DRC3: variants seen among roughly 807,000 people sequenced by gnomAD.
The protein encoded by DRC3 is dynein regulatory complex subunit 3, also known as leucine rich repeat containing 48.
In DRC3, 45 loss-of-function variants were observed where a neutral mutation model predicts 57.6. The observed-to-expected ratio is 0.78, with a 90% CI of 0.62 to 1.00. The LOEUF is 1.00. Ranked by LOEUF, DRC3 falls within the 50% of genes least tolerant of loss-of-function variation. The probability of loss-of-function intolerance (pLI) is 0.00; values close to 1 mark genes in which losing one functional copy is unlikely to be tolerated. For synonymous variants in DRC3, 257 were observed against 272.3 expected (o/e 0.94, Z 0.55); for missense variants, 655 against 675.2 (o/e 0.97, Z 0.33).
chr17:17,977,385 A>T, intron 2 of DRC3, 197 bp from the exon 3 acceptor site: 1 of 591,098 alleles, frequency 1.7e-6, no homozygotes, highest in Non-Finnish European at 3.0e-6. Context: ...GGACAGGCCC[A>T]GGTGGTTGCC....
intron 9 of DRC3, among the ~76,000 whole-genome samples, chr17:17,999,304 A>G (rs2043591340): frequency 6.6e-6 from 1 of 152,132 alleles, no homozygotes; most frequent in Non-Finnish European, 1.5e-5. Flanking sequence ...AGAGCAGTGG[A>G]TCCTGCTCAG....
chr17:17,992,193 T>C (rs2043263491), intron 5 of DRC3, among the ~76,000 whole-genome samples: 1 of 152,138 alleles, frequency 6.6e-6, no homozygotes, highest in Non-Finnish European at 1.5e-5. Context: ...GAGAATCACT[T>C]GAACCCGGGA....
rs201680836 is a variant in DRC3 at position 17,997,487 on chromosome 17, C to T, written c.852C>T (p.Cys284=). 22 of 1,613,094 alleles carry T rather than the reference C, an allele frequency of 1.4e-5. No homozygotes were observed. The highest frequency in any genetic ancestry group is 3.3e-4 in the Middle Eastern group (2 of 6,084). The change falls in exon 9 of 14, where the codon TGC becomes TGT. Residue 284 remains cysteine, a synonymous_variant. Coordinates refer to ENST00000399187, the MANE Select transcript of DRC3 (RefSeq NM_031294.4). Reference sequence around the variant, plus strand: ...ACAAGGACAAGTTTGTCATCATCTGCGTGAATATTTTTGAGTATGGCCTGA... The same window carrying T: ...ACAAGGACAAGTTTGTCATCATCTGTGTGAATATTTTTGAGTATGGCCTGA... ...ETYKDKFVII[C]VNIFEYGLKQ...
Position 17,995,003 on chromosome 17 carries a change from C to A in DRC3, c.716C>A (p.Ala239Glu). 1 of 1,613,398 alleles carries A rather than the reference C, an allele frequency of 6.2e-7. No homozygotes were observed. Among genetic ancestry groups the A allele is most frequent in the Non-Finnish European group, 8.5e-7 (1 of 1,179,408 alleles). The change falls in exon 8 of 14, where the codon GCG becomes GAG. Residue 239 changes from alanine to glutamate, a missense_variant. Physicochemically the swap from Ala to Glu is moderately radical, Grantham distance 107 (BLOSUM62 -1). Transcript: ENST00000399187. Reference protein sequence around the residue: ...QREELEKHKTAFVEHLNGSFL... With the variant: ...QREELEKHKTEFVEHLNGSFL... ...TACGTGTGTTTCTGCCTGCAGACTG[C>A]GTTTGTGGAACACCTGAATGGCTCC...
chr17:17,986,953 C>T (rs1233513197), intron 4 of DRC3, among the ~76,000 whole-genome samples: 1 of 152,110 alleles, frequency 6.6e-6, no homozygotes. Context: ...TGGCTCACAC[C>T]TGTAATCCCC....
intron 9 of DRC3, 25 bp from the exon 10 acceptor site, chr17:18,004,338 C>G: frequency 6.3e-7 from 1 of 1,586,746 alleles, no homozygotes; most frequent in Non-Finnish European, 8.6e-7. Flanking sequence ...TTGTTGATTC[C>G]TAAAGTGCAG....
intron 12 of DRC3, among the ~76,000 whole-genome samples, chr17:18,009,526 A>C (rs1284806728): frequency 6.6e-6 from 1 of 152,236 alleles, no homozygotes; most frequent in Non-Finnish European, 1.5e-5. Flanking sequence ...ATCAACACGG[A>C]AAAGTAGGTA....
At chr17:18,000,077 C>CGTGTGTGT (rs35063272) in intron 9 of DRC3, among the ~76,000 whole-genome samples, 3 of 132,134 alleles carry the variant, frequency 2.3e-5, no homozygotes, top group East Asian at 4.5e-4. Flanking sequence ...ACTTTGCTTT[C>CGTGTGTGT]GTGTGTGTGT....
At position 17,977,574 on chromosome 17, in the gene DRC3, T is replaced by C. The variant is rs758581407; in HGVS notation, c.-17-8T>C. ...CAGGCCGTGAAGGAAGAATGCGGTG[T>C]TTTTTAGGGAAAACGTGGGGGAAGA... On this transcript the variant is annotated splice_region_variant and splice_polypyrimidine_tract_variant and intron_variant, in intron 2 of 13. Coordinates refer to ENST00000399187, the MANE Select transcript of DRC3 (RefSeq NM_031294.4). The C allele has an allele frequency of 2.5e-6, 4 of 1,613,572 alleles. No individual in the cohort carries two copies. Among genetic ancestry groups the C allele is most frequent in the South Asian group, 2.2e-5 (2 of 91,044 alleles).
intron 3 of DRC3, among the ~76,000 whole-genome samples, chr17:17,982,129 A>T (rs1398236090): frequency 6.6e-6 from 1 of 151,502 alleles, no homozygotes; most frequent in African/African-American, 2.4e-5. Context: ...AGTAGCTGGG[A>T]TTACAAGCGC....
chr17:18,000,249 T>A (rs1372192207), intron 9 of DRC3, among the ~76,000 whole-genome samples: 2 of 145,996 alleles, frequency 1.4e-5, no homozygotes, highest in South Asian at 2.2e-4. Context: ...TTCACGTGAG[T>A]GTGTGTGTGT....
chr17:18,006,847 G>T, intron 11 of DRC3, 177 bp from the exon 12 acceptor site: 1 of 925,408 alleles, frequency 1.1e-6, no homozygotes, highest in South Asian at 1.7e-5. Flanking sequence ...CCGAGGTGTG[G>T]GGCAGGGGCA....
intron 5 of DRC3, 180 bp downstream of exon 5, chr17:17,988,278 T>TA: frequency 1.5e-6 from 1 of 649,060 alleles, no homozygotes; most frequent in Non-Finnish European, 2.5e-6. Context: ...AATACCATGC[T>TA]TACCCAACAA....
Position 18,007,053 on chromosome 17 carries a change from A to G in DRC3, c.1232A>G (p.His411Arg). The G allele has an allele frequency of 1.4e-5, 22 of 1,526,858 alleles. No homozygotes were observed. Among genetic ancestry groups the G allele is most frequent in the Non-Finnish European group, 1.9e-5 (22 of 1,131,918 alleles). The allele number at this position is 1,526,858 out of a possible 1,614,324, so 94.6% of individuals were successfully genotyped here. ...GCTCAGTGCCGGGACCTGGAGAATC[A>G]CCACCACGAGAAGCTCCTGGAGATC... Reference protein sequence around the residue: ...LMAQCRDLENHHHEKLLEISI... With the variant: ...LMAQCRDLENRHHEKLLEISI... Residue 411 changes from histidine (H) to arginine (R), a missense_variant, in exon 12 of 14, where the codon CAC becomes CGC. Physicochemically the swap from His to Arg is conservative, Grantham distance 29. Coordinates refer to ENST00000399187, the MANE Select transcript of DRC3 (RefSeq NM_031294.4).
chr17:17,987,376 G>A (rs1252042678), intron 4 of DRC3, among the ~76,000 whole-genome samples: 1 of 152,096 alleles, frequency 6.6e-6, no homozygotes, highest in African/African-American at 2.4e-5. Context: ...GATGAACTCT[G>A]GCCCCACTGT....
intron 9 of DRC3, among the ~76,000 whole-genome samples, chr17:18,001,527 C>T (rs2043730487): frequency 6.6e-6 from 1 of 151,938 alleles, no homozygotes; most frequent in Non-Finnish European, 1.5e-5. Flanking sequence ...AATGTTATTA[C>T]TTTGTAGGAG....
Position 17,973,843 on chromosome 17 carries a change from A to C in DRC3, c.-128-9A>C, listed in dbSNP as rs2042252969. On this transcript the variant is annotated splice_polypyrimidine_tract_variant and intron_variant, in intron 1 of 13. Coordinates refer to ENST00000399187, the MANE Select transcript of DRC3 (RefSeq NM_031294.4). ...CAGATCCTGTTGACTTCAGGTTATC[A>C]TTTCCCAGGAAAATTCTGGATCTGT... 6.6e-6 allele frequency: 1 copy of C among 152,190 alleles called. No individual in the cohort carries two copies. The allele number at this position is 152,190 out of a possible 1,614,324, so 9.4% of individuals were successfully genotyped here.
intron 2 of DRC3, among the ~76,000 whole-genome samples, chr17:17,975,225 T>C (rs2042324852): frequency 1.3e-5 from 2 of 151,576 alleles, no homozygotes; most frequent in African/African-American, 4.9e-5. Flanking sequence ...TTTTTTTTTT[T>C]TTCTTGATGG....
At chr17:17,978,004 A>T in intron 3 of DRC3, 1 of 383,940 alleles carries the variant, frequency 2.6e-6, no homozygotes, top group Non-Finnish European at 4.7e-6. Flanking sequence ...ACAAGATAAA[A>T]TTGTCCCACG....
Sources: allele counts gnomAD v4.1 joint callset (sites outside exome capture counted in the v4.1 genomes callset), GRCh38; gene constraint gnomAD v4.1.1; transcripts MANE v1.5; gene names NCBI Gene and HGNC (gene_info 2026-07-23, HGNC 2026-07-21).